The following TENM2 variants were observed in gnomAD, a reference collection of about 807,000 sequenced individuals.
The protein encoded by TENM2 is teneurin transmembrane protein 2.
In TENM2, 52 loss-of-function variants were observed where a neutral mutation model predicts 245.2. The ratio of observed to expected loss-of-function variants is 0.21; its 90% CI spans 0.17 to 0.27. TENM2 has a LOEUF of 0.27. Among genes scored for constraint, TENM2 ranks in the 10% least tolerant of loss-of-function variants. TENM2 has a pLI of 1.00. For synonymous variants in TENM2, 1,363 were observed against 1,438.9 expected, an observed-to-expected ratio of 0.95 and a Z score of 1.19; for missense variants, 3,046 against 3,666.8, an observed-to-expected ratio of 0.83 and a Z score of 4.37.
At chr5:167,346,344 C>T (rs73367443) in intron 1 of TENM2, among the ~76,000 whole-genome samples, 3,821 of 152,266 alleles carry the variant, frequency 0.025, 164 homozygotes, top group African/African-American at 0.086. Flanking sequence ...TATTCATACA[C>T]GGAGCTGCTT....
the TENM2 span, among the ~76,000 whole-genome samples, chr5:167,179,628 A>G: frequency 6.6e-6 from 1 of 152,088 alleles, no homozygotes; most frequent in Non-Finnish European, 1.5e-5. Context: ...TATACTTACA[A>G]CTTTTAGTTT....
intron 2 of TENM2, among the ~76,000 whole-genome samples, chr5:167,671,254 G>A (rs1373858928): frequency 6.6e-6 from 1 of 152,130 alleles, no homozygotes; most frequent in Non-Finnish European, 1.5e-5. Flanking sequence ...TTGTATAATA[G>A]CCCTGACATA....
chr5:167,293,150 G>A (rs964536870), intron 1 of TENM2, among the ~76,000 whole-genome samples: 3 of 152,150 alleles, frequency 2.0e-5, no homozygotes, highest in Non-Finnish European at 2.9e-5. Context: ...AACTAGGATA[G>A]CAGAGATTGT....
In TENM2 at chr5:167,980,070, G is replaced by A. The variant is rs138348171; in HGVS notation, c.948-12874G>A. On this transcript the variant is annotated intron_variant, in intron 4 of 28. Transcript: ENST00000518659. ...TAAAAATTGTTGGAACACCAAACCT[G>A]GGCTGGGCATTCTTCCAGGGGCTGG... Among the ~76,000 whole-genome samples, 570 of 152,278 alleles carry A rather than the reference G, an allele frequency of 3.7e-3. 5 individuals are homozygous for A. Among genetic ancestry groups the A allele is most frequent in the African/African-American group, 0.013 (548 of 41,558 alleles).
chr5:168,228,176 T>TACACTTTC, intron 25 of TENM2, 46 bp downstream of exon 27: 1 of 1,454,490 alleles, frequency 6.9e-7, no homozygotes, highest in Non-Finnish European at 9.6e-7. Context: ...GGAGGGGATA[T>TACACTTTC]ACACTTTCCT....
intron 7 of TENM2, among the ~76,000 whole-genome samples, chr5:168,073,465 G>T (rs890158562): frequency 6.6e-6 from 1 of 152,160 alleles, no homozygotes; most frequent in African/African-American, 2.4e-5. Context: ...TTTAACAATT[G>T]ACCGAAACTC....
the TENM2 span, among the ~76,000 whole-genome samples, chr5:166,999,285 G>A: frequency 1.3e-5 from 2 of 152,138 alleles, no homozygotes; most frequent in Admixed American, 6.5e-5. Context: ...TTGGATACAA[G>A]AAGTGAAGGA....
chr5:167,153,810 AAAAC>A, the TENM2 span, among the ~76,000 whole-genome samples: 1 of 152,220 alleles, frequency 6.6e-6, no homozygotes, highest in Non-Finnish European at 1.5e-5. Context: ...AAAAAAACAA[AAAAC>A]AAACAGAAAA....
At chr5:167,931,130 A>G (rs956802694) in intron 3 of TENM2, among the ~76,000 whole-genome samples, 1 of 152,252 alleles carries the variant, frequency 6.6e-6, no homozygotes, top group Non-Finnish European at 1.5e-5. Context: ...GTTTCCAACT[A>G]TAGAGATTGT....
At chr5:167,105,859 G>T in the TENM2 span, among the ~76,000 whole-genome samples, 2 of 111,140 alleles carry the variant, frequency 1.8e-5, no homozygotes, top group Non-Finnish European at 3.3e-5. Flanking sequence ...CTGCACTCCA[G>T]CCTGGGCGAC....
intron 2 of TENM2, among the ~76,000 whole-genome samples, chr5:167,635,573 T>G (rs941157098): frequency 3.3e-5 from 5 of 151,138 alleles, no homozygotes; most frequent in Non-Finnish European, 5.9e-5. Flanking sequence ...CTCAAAACAT[T>G]CTCTGAAATA....
the TENM2 span, among the ~76,000 whole-genome samples, chr5:167,115,140 G>A: frequency 6.6e-6 from 1 of 152,158 alleles, no homozygotes; most frequent in Non-Finnish European, 1.5e-5. Flanking sequence ...GTGTGTAGGT[G>A]ACCAAAGTTG....
At chr5:167,770,346 T>C (rs1763321633) in intron 2 of TENM2, among the ~76,000 whole-genome samples, 1 of 151,848 alleles carries the variant, frequency 6.6e-6, no homozygotes, top group African/African-American at 2.4e-5. Flanking sequence ...GTTAGACAAG[T>C]GGGGAACAAG....
At chr5:167,733,711 C>A (rs1198557888) in intron 2 of TENM2, among the ~76,000 whole-genome samples, 1 of 152,126 alleles carries the variant, frequency 6.6e-6, no homozygotes, top group African/African-American at 2.4e-5. Flanking sequence ...CGGAAGGGCC[C>A]CTTAGGTTCT....
chr5:167,533,927 A>C (rs967316561), intron 2 of TENM2, among the ~76,000 whole-genome samples: 8 of 152,182 alleles, frequency 5.3e-5, no homozygotes, highest in African/African-American at 1.7e-4. Flanking sequence ...AACTCCTGTC[A>C]CTTGTTAGAC....
chr5:167,191,019 G>C, the TENM2 span, among the ~76,000 whole-genome samples: 1 of 151,672 alleles, frequency 6.6e-6, no homozygotes, highest in Non-Finnish European at 1.5e-5. Context: ...CATTTATTTT[G>C]TGTTTTGAGC....
chr5:167,340,486 G>T (rs965687401), intron 1 of TENM2, among the ~76,000 whole-genome samples: 2 of 152,146 alleles, frequency 1.3e-5, no homozygotes, highest in African/African-American at 4.8e-5. Context: ...CTACTTTCTT[G>T]CTATGCCCTC....
At chr5:167,955,838 G>A (rs1780509570) in intron 4 of TENM2, among the ~76,000 whole-genome samples, 1 of 152,086 alleles carries the variant, frequency 6.6e-6, no homozygotes, top group Non-Finnish European at 1.5e-5. Flanking sequence ...TATCTGTTTT[G>A]GTACCAGTAC....
intron 2 of TENM2, among the ~76,000 whole-genome samples, chr5:167,596,975 C>G (rs1203048395): frequency 1.3e-5 from 2 of 151,952 alleles, no homozygotes; most frequent in Non-Finnish European, 2.9e-5. Flanking sequence ...GGGGACAGTT[C>G]AGAGCCTGGC....
Sources: allele counts gnomAD v4.1 joint callset (sites outside exome capture counted in the v4.1 genomes callset), GRCh38; gene constraint gnomAD v4.1.1; transcripts MANE v1.5; gene names NCBI Gene and HGNC (gene_info 2026-07-23, HGNC 2026-07-21).